NREP: variants seen among roughly 807,000 people sequenced by gnomAD.
NREP encodes the protein neuronal regeneration related protein.
NREP carries 5 observed loss-of-function variants against 8.6 expected under a neutral mutation model. That is an observed-to-expected ratio of 0.58 (90% CI 0.30 to 1.22). The LOEUF is 1.22. NREP is among the 50% of genes most tolerant of loss of function. The pLI, the probability that NREP is intolerant of heterozygous loss-of-function variation, is 0.07. For synonymous variants in NREP, 27 were observed against 28.0 expected (o/e 0.96, Z 0.11); for missense variants, 86 against 82.5 (o/e 1.04, Z -0.17).
At chr5:111,882,544 T>C (rs909232653) in intron 2 of NREP, among the ~76,000 whole-genome samples, 1 of 151,940 alleles carries the variant, frequency 6.6e-6, no homozygotes, top group African/African-American at 2.4e-5. Context: ...TCACCAAAGT[T>C]GAAATGAAGG....
intron 2 of NREP, among the ~76,000 whole-genome samples, chr5:111,966,741 TTTAATA>T (rs542501798): frequency 7.9e-4 from 121 of 152,336 alleles, no homozygotes; most frequent in African/African-American, 2.8e-3. Context: ...TAAGCATTTA[TTTAATA>T]TTATTTTAAA....
intron 2 of NREP, among the ~76,000 whole-genome samples, chr5:111,787,142 C>T (rs1042020689): frequency 2.0e-5 from 3 of 152,138 alleles, no homozygotes; most frequent in African/African-American, 7.2e-5. Flanking sequence ...GATACCCCTC[C>T]CTGTGCTTCC....
At chr5:111,802,694 G>T (rs149288469) in intron 2 of NREP, among the ~76,000 whole-genome samples, 12 of 152,272 alleles carry the variant, frequency 7.9e-5, no homozygotes, top group African/African-American at 2.9e-4. Flanking sequence ...CATGTTAAGG[G>T]TTAAAGATTA....
chr5:111,890,606 G>T (rs550599048), intron 2 of NREP, among the ~76,000 whole-genome samples: 1 of 152,360 alleles, frequency 6.6e-6, no homozygotes, highest in South Asian at 2.1e-4. Context: ...TCTAGGAAGA[G>T]GTTCCCAAGC....
chr5:111,789,198 T>C (rs888504039), intron 2 of NREP, among the ~76,000 whole-genome samples: 1 of 152,240 alleles, frequency 6.6e-6, no homozygotes, highest in Non-Finnish European at 1.5e-5. Context: ...TGTGTGTGTG[T>C]AATATATTGT....
chr5:111,787,849 G>A (rs1455922853), intron 2 of NREP, among the ~76,000 whole-genome samples: 1 of 152,146 alleles, frequency 6.6e-6, no homozygotes, highest in African/African-American at 2.4e-5. Flanking sequence ...TGTAATCCCA[G>A]TACTTTGAAA....
chr5:111,876,112 C>A (rs1465844054), intron 2 of NREP, among the ~76,000 whole-genome samples: 2 of 152,142 alleles, frequency 1.3e-5, no homozygotes, highest in Admixed American at 6.5e-5. Flanking sequence ...CTGCCCATTT[C>A]TTTCTTATTG....
intron 2 of NREP, among the ~76,000 whole-genome samples, chr5:111,898,232 T>A (rs1212624551): frequency 6.6e-6 from 1 of 151,904 alleles, no homozygotes; most frequent in Non-Finnish European, 1.5e-5. Context: ...AGCAGGAAAA[T>A]ATGGAAGGAG....
chr5:111,831,672 C>G (rs183513192), intron 2 of NREP, among the ~76,000 whole-genome samples: 1 of 152,298 alleles, frequency 6.6e-6, no homozygotes, highest in Non-Finnish European at 1.5e-5. Context: ...CTTCTCTCAG[C>G]CTCTTCCTGA....
chr5:111,763,772 GTGTT>G (rs1018490818), intron 2 of NREP, among the ~76,000 whole-genome samples: 1 of 148,260 alleles, frequency 6.7e-6, no homozygotes, highest in East Asian at 2.0e-4. Context: ...GTGTGTGTGT[GTGTT>G]TGTGTGTGCG....
rs532570828 is a variant in NREP at position 111,942,651 on chromosome 5, A to C, written c.135+32623T>G. Among the ~76,000 whole-genome samples the C allele has an allele frequency of 5.9e-5, 9 of 152,158 alleles. No individual in the cohort carries two copies. In the East Asian group the frequency reaches 1.7e-3, roughly 30 times the overall value. On this transcript the variant is annotated intron_variant, in intron 2 of 3. Transcript: ENST00000395634. Reference sequence around the variant, plus strand: ...TCTAAAGCACTAGTTTTAAAAAAAAACAGCATCAGATAATGATACTAAAAA... The same window carrying C: ...TCTAAAGCACTAGTTTTAAAAAAAACCAGCATCAGATAATGATACTAAAAA...
intron 2 of NREP, among the ~76,000 whole-genome samples, chr5:111,770,294 T>C (rs1014092364): frequency 6.6e-6 from 1 of 152,208 alleles, no homozygotes; most frequent in Non-Finnish European, 1.5e-5. Context: ...TGAGGTTTTA[T>C]TGACTATTTC....
chr5:111,730,122 G>GT lies in NREP; in HGVS notation c.*798dup, dbSNP rs1748418753. On this transcript the variant is annotated 3_prime_UTR_variant, in exon 4 of 4. Transcript: ENST00000257435. ...CAGTTTTGTGATTGCTCCCGCTACC[G>GT]TGACTGCATGTCCGTGAGCGCCAGC... 1 of 152,502 alleles carries GT rather than the reference G, an allele frequency of 6.6e-6. No individual in the cohort carries two copies. The highest frequency in any genetic ancestry group is 1.5e-5 in the Non-Finnish European group (1 of 68,030). The allele number at this position is 152,502 out of a possible 1,614,324, so 9.4% of individuals were successfully genotyped here.
intron 2 of NREP, among the ~76,000 whole-genome samples, chr5:111,910,976 G>A (rs1275820065): frequency 6.6e-6 from 1 of 152,094 alleles, no homozygotes; most frequent in Admixed American, 6.6e-5. Flanking sequence ...ACCTGGCAGA[G>A]AAGAGCACCT....
intron 2 of NREP, among the ~76,000 whole-genome samples, chr5:111,972,605 T>C (rs1272681447): frequency 6.6e-6 from 1 of 152,182 alleles, no homozygotes; most frequent in Non-Finnish European, 1.5e-5. Context: ...GTCAAAGGGA[T>C]GGGCTCCCAA....
chr5:111,866,417 C>G (rs1753665695), intron 2 of NREP, among the ~76,000 whole-genome samples: 1 of 152,140 alleles, frequency 6.6e-6, no homozygotes, highest in African/African-American at 2.4e-5. Context: ...CACTGGCCAT[C>G]AGAGAAATGC....
At chr5:111,874,400 G>C (rs536958255) in intron 2 of NREP, among the ~76,000 whole-genome samples, 2 of 152,254 alleles carry the variant, frequency 1.3e-5, no homozygotes, top group South Asian at 4.1e-4. Flanking sequence ...ATTCTCAAAT[G>C]ACTTTTTCTC....
intron 2 of NREP, among the ~76,000 whole-genome samples, chr5:111,881,281 C>T (rs1246207495): frequency 1.3e-5 from 2 of 152,148 alleles, no homozygotes; most frequent in African/African-American, 4.8e-5. Flanking sequence ...GGGAGGGGTG[C>T]CCACCATTGC....
intron 2 of NREP, among the ~76,000 whole-genome samples, chr5:111,968,521 G>A (rs1756710058): frequency 6.6e-6 from 1 of 152,150 alleles, no homozygotes; most frequent in Non-Finnish European, 1.5e-5. Flanking sequence ...AGGACAAACA[G>A]GAGGCAGTTG....
Sources: allele counts gnomAD v4.1 joint callset (sites outside exome capture counted in the v4.1 genomes callset), GRCh38; gene constraint gnomAD v4.1.1; transcripts MANE v1.5; gene names NCBI Gene and HGNC (gene_info 2026-07-23, HGNC 2026-07-21).